CSF1: variants seen among roughly 807,000 people sequenced by gnomAD.
CSF1 encodes macrophage colony-stimulating factor 1.
CSF1 carries 9 observed loss-of-function variants against 48.9 expected under a neutral mutation model. The observed-to-expected ratio is 0.18, with a 90% CI of 0.11 to 0.32. The LOEUF (loss-of-function observed/expected upper bound fraction) is 0.32. Among genes scored for constraint, CSF1 ranks in the 10% least tolerant of loss-of-function variants. CSF1 has a pLI of 1.00. For synonymous variants in CSF1, 305 were observed against 284.1 expected (o/e 1.07, Z -0.74); for missense variants, 672 against 697.9 (o/e 0.96, Z 0.42).
Position 109,925,173 on chromosome 1 carries a change from T to C in CSF1, c.1649T>C (p.Val550Ala), listed in dbSNP as rs779422674. Residue 550 changes from valine to alanine, a missense_variant, in exon 8 of 9, where the codon GTG becomes GCG. Coordinates refer to ENST00000329608, the MANE Select transcript of CSF1 (RefSeq NM_000757.6). Reference protein sequence around the residue: ...GSPLTQDDRQVELPV With the variant: ...GSPLTQDDRQAELPV Reference sequence around the variant, plus strand: ...CCCCTGACTCAGGATGACAGACAGGTGGAACTGCCAGTGTAGAGGGAATTC... The same window carrying C: ...CCCCTGACTCAGGATGACAGACAGGCGGAACTGCCAGTGTAGAGGGAATTC... 43 of 1,613,856 alleles carry C rather than the reference T, an allele frequency of 2.7e-5. No individual in the cohort carries two copies. In the Admixed American group the frequency reaches 7.0e-4, roughly 26 times the overall value.
intron 3 of CSF1, among the ~76,000 whole-genome samples, chr1:109,916,826 A>G (rs979889164): frequency 1.1e-4 from 16 of 152,202 alleles, no homozygotes; most frequent in Admixed American, 2.6e-4. Context: ...TGGGTCTTCA[A>G]GGCAACTACC....
intron 4 of CSF1, among the ~76,000 whole-genome samples, chr1:109,919,537 A>C (rs996455252): frequency 6.6e-6 from 1 of 152,182 alleles, no homozygotes; most frequent in African/African-American, 2.4e-5. Flanking sequence ...CCAGGAAAAC[A>C]TTTTTAATAA....
In CSF1 at chr1:109,929,303, A is replaced by G; in HGVS notation, c.*465A>G. 1 of 152,840 alleles carries G rather than the reference A, an allele frequency of 6.5e-6. No individual in the cohort carries two copies. The highest frequency in any genetic ancestry group is 1.5e-5 in the Non-Finnish European group (1 of 68,114). 9.5% of individuals were successfully genotyped at this position (152,840 alleles called of 1,614,324 possible). On this transcript the variant is annotated 3_prime_UTR_variant, in exon 9 of 9. Coordinates refer to ENST00000329608, the MANE Select transcript of CSF1 (RefSeq NM_000757.6). Reference sequence around the variant, plus strand: ...GGTATCCCAGCCTGGACAGGCATGGACCTGTCTCCAGAGAGAGGAGCCTGA... The same window carrying G: ...GGTATCCCAGCCTGGACAGGCATGGGCCTGTCTCCAGAGAGAGGAGCCTGA...
At chr1:109,916,605 A>T (rs192828699) in intron 3 of CSF1, among the ~76,000 whole-genome samples, 1 of 152,214 alleles carries the variant, frequency 6.6e-6, no homozygotes, top group East Asian at 1.9e-4. Context: ...CTCATGCAAA[A>T]CTGCCTTGAT....
At chr1:109,912,978 C>T (rs573576453) in intron 1 of CSF1, among the ~76,000 whole-genome samples, 1 of 152,154 alleles carries the variant, frequency 6.6e-6, no homozygotes, top group South Asian at 2.1e-4. Context: ...ATGGCTCCCA[C>T]CCCTCTCCTG....
intron 4 of CSF1, among the ~76,000 whole-genome samples, chr1:109,920,491 G>A (rs1342594428): frequency 6.6e-6 from 1 of 152,046 alleles, no homozygotes; most frequent in Non-Finnish European, 1.5e-5. Context: ...GCTAATTTTT[G>A]TCTTTTTAGT....
chr1:109,915,128 A>G (rs550788569), intron 2 of CSF1, among the ~76,000 whole-genome samples: 36 of 152,236 alleles, frequency 2.4e-4, no homozygotes, highest in African/African-American at 8.4e-4. Flanking sequence ...CCCCAGCACT[A>G]CTTCTCCTGT....
In CSF1 at chr1:109,922,002, T is replaced by C. The variant is rs771489960; in HGVS notation, c.544+8T>C. On this transcript the variant is annotated splice_region_variant and intron_variant, in intron 5 of 8. Coordinates refer to ENST00000329608, the MANE Select transcript of CSF1 (RefSeq NM_000757.6). ...CTGAATGCTCCAGCCAAGGTAAGCATGGCAGGGGCCAGCAAGTGTGTGGGG... is the reference window on the plus strand; with the variant it reads ...CTGAATGCTCCAGCCAAGGTAAGCACGGCAGGGGCCAGCAAGTGTGTGGGG... 1.3e-6 allele frequency: 2 copies of C among 1,589,016 alleles called. No individual in the cohort carries two copies. Among genetic ancestry groups the C allele is most frequent in the East Asian group, 4.5e-5 (2 of 44,156 alleles).
In CSF1 at chr1:109,924,104, G is replaced by A. The variant is rs2101655219; in HGVS notation, c.1483G>A (p.Glu495Lys). 6.2e-7 allele frequency: 1 copy of A among 1,614,214 alleles called. No homozygotes were observed. Among genetic ancestry groups the A allele is most frequent in the East Asian group, 2.2e-5 (1 of 44,874 alleles). ...SEGSFSPQLQESVFHLLVPSV... is the reference protein window; with the variant it reads ...SEGSFSPQLQKSVFHLLVPSV... Reference sequence around the variant, plus strand: ...GGGATCCTTCAGCCCGCAGCTCCAGGAGTCTGTCTTCCACCTGCTGGTGCC... The same window carrying A: ...GGGATCCTTCAGCCCGCAGCTCCAGAAGTCTGTCTTCCACCTGCTGGTGCC... The change falls in exon 6 of 9, where the codon GAG (glutamate) becomes AAG (lysine). Residue 495 changes from glutamate (E) to lysine (K), a missense_variant. Physicochemically the swap from Glu to Lys is moderately conservative, Grantham distance 56. Around this residue, in one of 3 missense-constraint regions of CSF1, gnomAD observed 591 missense variants for 593.6 expected, o/e 1.00. Coordinates refer to ENST00000329608, the MANE Select transcript of CSF1 (RefSeq NM_000757.6).
At chr1:109,921,723 G>A (rs1465322830) in intron 4 of CSF1, 124 bp from the exon 5 acceptor site, 7 of 1,235,148 alleles carry the variant, frequency 5.7e-6, no homozygotes, top group Admixed American at 5.2e-5. Context: ...AGGGGAAAGG[G>A]GAGCAAGGAA....
At chr1:109,911,570 C>A (rs537192277) in intron 1 of CSF1, among the ~76,000 whole-genome samples, 1 of 151,158 alleles carries the variant, frequency 6.6e-6, no homozygotes, top group East Asian at 2.0e-4. Context: ...GGCAGAGGGA[C>A]GGAGAGGGGC....
At chr1:109,912,740 G>T (rs908191993) in intron 1 of CSF1, among the ~76,000 whole-genome samples, 3 of 152,182 alleles carry the variant, frequency 2.0e-5, no homozygotes, top group Admixed American at 6.5e-5. Context: ...GTCTGGGGTA[G>T]ATACACCGTC....
rs1220184185 is a variant in CSF1, at chr1:109,921,933, C to T, written c.483C>T (p.Asp161=). 1 of 1,611,964 alleles carries T rather than the reference C, an allele frequency of 6.2e-7. No homozygotes were observed. The highest frequency in any genetic ancestry group is 8.5e-7 in the Non-Finnish European group (1 of 1,178,686). The change falls in exon 5 of 9, where the codon GAC becomes GAT. Residue 161 remains aspartate (D), a synonymous_variant. Coordinates refer to ENST00000329608, the MANE Select transcript of CSF1 (RefSeq NM_000757.6). Reference sequence around the variant, plus strand: ...TTAATGAAACAAAGAATCTCCTTGACAAGGACTGGAATATTTTCAGCAAGA... The same window carrying T: ...TTAATGAAACAAAGAATCTCCTTGATAAGGACTGGAATATTTTCAGCAAGA... ...NVFNETKNLL[D]KDWNIFSKNC...
In CSF1 at chr1:109,914,314, C is replaced by T; in HGVS notation, c.95C>T (p.Thr32Ile). The T allele has an allele frequency of 6.2e-7, 1 of 1,608,154 alleles. No homozygotes were observed. Among genetic ancestry groups the T allele is most frequent in the Non-Finnish European group, 8.5e-7 (1 of 1,177,246 alleles). ...TGTCTCCTGGCGAGCAGGAGTATCA[C>T]CGAGGAGGTGTCGGAGTACTGTAGC... is the stretch of plus-strand genomic sequence containing the variant. ...LVCLLASRSITEEVSEYCSHM... is the reference protein window; with the variant it reads ...LVCLLASRSIIEEVSEYCSHM... The change falls in exon 2 of 9, where the codon ACC (threonine) becomes ATC (isoleucine). Residue 32 changes from threonine to isoleucine, a missense_variant. Physicochemically the swap from Thr to Ile is moderately conservative, Grantham distance 89. Coordinates refer to ENST00000329608, the MANE Select transcript of CSF1 (RefSeq NM_000757.6).
At chr1:109,915,334 G>A (rs1290011204) in intron 2 of CSF1, among the ~76,000 whole-genome samples, 2 of 152,180 alleles carry the variant, frequency 1.3e-5, no homozygotes, top group African/African-American at 2.4e-5. Context: ...TGCCTCCAGG[G>A]AAGATTATAT....
At chr1:109,918,934 G>A (rs920945676) in intron 4 of CSF1, among the ~76,000 whole-genome samples, 4 of 152,124 alleles carry the variant, frequency 2.6e-5, no homozygotes, top group African/African-American at 9.7e-5. Context: ...AGGGCAAGCA[G>A]AGGATGGGGG....
intron 4 of CSF1, among the ~76,000 whole-genome samples, chr1:109,920,668 C>T (rs1193549273): frequency 6.6e-6 from 1 of 152,098 alleles, no homozygotes; most frequent in African/African-American, 2.4e-5. Context: ...GGAGATGCGG[C>T]GATGCCTTCA....
upstream of CSF1, chr1:109,910,669 G>T (rs1654635353): frequency 3.3e-6 from 1 of 304,182 alleles, no homozygotes; most frequent in South Asian, 2.8e-5. Context: ...CTGGCCGGCC[G>T]GCGGGTGGGG....
At chr1:109,921,514 C>T (rs1191036859) in intron 4 of CSF1, among the ~76,000 whole-genome samples, 1 of 152,214 alleles carries the variant, frequency 6.6e-6, no homozygotes, top group Non-Finnish European at 1.5e-5. Context: ...ATTCATAGGA[C>T]TCATTGCACT....
Sources: gnomAD v4.1 joint callset for allele counts (sites outside exome capture counted in the v4.1 genomes callset) on GRCh38, gnomAD v4.1.1 for gene constraint, gnomAD v4.1.1 regional missense constraint, MANE v1.5 for transcripts, NCBI Gene and HGNC (gene_info 2026-07-23, HGNC 2026-07-21) for gene names.